CTTNBP2: variants seen among roughly 807,000 people sequenced by gnomAD.
CTTNBP2 encodes cortactin-binding protein 2.
CTTNBP2 carries 108 observed loss-of-function variants against 156.9 expected under a neutral mutation model. The ratio of observed to expected loss-of-function variants is 0.69; its 90% CI spans 0.59 to 0.81. CTTNBP2 has a LOEUF of 0.81. Among genes scored for constraint, CTTNBP2 ranks in the 30% least tolerant of loss-of-function variants. The pLI is 0.00. For missense variants in CTTNBP2, 1,924 were observed against 2,035.4 expected, an observed-to-expected ratio of 0.95 and a Z score of 1.05; for synonymous variants, 767 against 751.8, an observed-to-expected ratio of 1.02 and a Z score of -0.33.
intron 2 of CTTNBP2, among the ~76,000 whole-genome samples, chr7:117,856,129 A>G (rs1803299980): frequency 6.6e-6 from 1 of 152,214 alleles, no homozygotes; most frequent in South Asian, 2.1e-4. Context: ...ACAGCCAGCC[A>G]TGGCCATTTT....
At chr7:117,836,400 T>TA (rs1365969911) in intron 2 of CTTNBP2, among the ~76,000 whole-genome samples, 2 of 151,992 alleles carry the variant, frequency 1.3e-5, no homozygotes, top group Non-Finnish European at 2.9e-5. Context: ...CTATCTCTAC[T>TA]AAAAATACAA....
chr7:117,756,314 T>C lies in CTTNBP2; in HGVS notation c.3348+241A>G, dbSNP rs554666548. On this transcript the variant is annotated intron_variant, in intron 12 of 22. Transcript: ENST00000160373. Reference sequence around the variant, plus strand: ...AGACATCCTGCTCCTGCCCAAATTATGGCATTTCACAGGTCACAGGTGGTC... The same window carrying C: ...AGACATCCTGCTCCTGCCCAAATTACGGCATTTCACAGGTCACAGGTGGTC... Among the ~76,000 whole-genome samples, 80 of 152,294 alleles carry C rather than the reference T, an allele frequency of 5.3e-4. 1 individual carries two copies. The South Asian group carries it at 0.015, about 29-fold the overall frequency.
At position 117,734,900 on chromosome 7, in the gene CTTNBP2, T is replaced by C. The variant is rs2116486763; in HGVS notation, c.3876+13A>G. 6.4e-7 allele frequency: 1 copy of C among 1,570,266 alleles called. No individual in the cohort carries two copies. The highest frequency in any genetic ancestry group is 2.3e-5 in the East Asian group (1 of 43,838). On this transcript the variant is annotated intron_variant, in intron 16 of 22. Transcript: ENST00000160373. ...TGCTCTCCTGGCAACAGGCTGCACT[T>C]GCTGTTTGTTACCTTATTCACAACT...
Position 117,711,730 on chromosome 7 carries a change from G to C in CTTNBP2, c.4799C>G (p.Ser1600Ter), listed in dbSNP as rs1794067171. The C allele has an allele frequency of 4.3e-6, 7 of 1,613,916 alleles. No homozygotes were observed. Among genetic ancestry groups the C allele is most frequent in the Non-Finnish European group, 5.9e-6 (7 of 1,179,886 alleles). ...TCTTGAAACACCCAACTCAGTCTTT[G>C]ATTTACTGTTGCTGCATTCAGTAGT... ...HQTTECSNSK[S>*]KTELGVSRVK... Residue 1600 changes from serine (S) to a stop codon, truncating the protein, a stop_gained, in exon 23 of 23, where the codon TCA (serine) becomes TGA (stop). Transcript: ENST00000160373. LOFTEE classifies it high-confidence loss of function.
intron 1 of CTTNBP2, among the ~76,000 whole-genome samples, chr7:117,865,762 A>C (rs1804150678): frequency 6.6e-6 from 1 of 150,500 alleles, no homozygotes; most frequent in Admixed American, 6.6e-5. Flanking sequence ...TGCCAGGAAA[A>C]GCATTCCAGA....
rs1350298050 is a variant in CTTNBP2, at chr7:117,784,379, TGAA to T, written c.2141_2143del (p.Leu714del). On this transcript the variant is annotated inframe_deletion, in exon 5 of 23. Coordinates refer to ENST00000160373, the MANE Select transcript of CTTNBP2 (RefSeq NM_033427.3). ...GACATTTCCCTGGGCAGCAGCTTGC[TGAA>T]GAAGGGTGGGCCTGCCAGCCAGGGG... The T allele has an allele frequency of 3.7e-6, 6 of 1,613,566 alleles. No homozygotes were observed. The highest frequency in any genetic ancestry group is 5.1e-6 in the Non-Finnish European group (6 of 1,179,916).
In CTTNBP2 at chr7:117,856,808, T is replaced by C. The variant is rs34182728; in HGVS notation, c.189+4401A>G. Among the ~76,000 whole-genome samples, 152 of 152,318 alleles carry C rather than the reference T, an allele frequency of 1.0e-3. 4 individuals carry two copies. Among genetic ancestry groups the C allele is most frequent in the African/African-American group, 3.4e-3 (142 of 41,570 alleles). Reference sequence around the variant, plus strand: ...TGATGGCAGGCTGGGCACTGTAAAATGTAGGCTTAAGCACATAATTTTGAC... The same window carrying C: ...TGATGGCAGGCTGGGCACTGTAAAACGTAGGCTTAAGCACATAATTTTGAC... On this transcript the variant is annotated intron_variant, in intron 2 of 22. Coordinates refer to ENST00000160373, the MANE Select transcript of CTTNBP2 (RefSeq NM_033427.3).
intron 2 of CTTNBP2, among the ~76,000 whole-genome samples, chr7:117,815,790 C>G (rs1238305077): frequency 2.0e-5 from 3 of 152,170 alleles, no homozygotes; most frequent in Admixed American, 6.5e-5. Flanking sequence ...CAAAATACAA[C>G]TGGCAGGCCT....
chr7:117,799,756 C>G (rs1799514707), intron 3 of CTTNBP2, among the ~76,000 whole-genome samples: 1 of 151,832 alleles, frequency 6.6e-6, no homozygotes, highest in Non-Finnish European at 1.5e-5. Flanking sequence ...ATATTTTTAA[C>G]CTAGAAAATC....
At position 117,711,778 on chromosome 7, in the gene CTTNBP2, ACCT is replaced by A; in HGVS notation, c.4748_4750del (p.Glu1583del). 1.2e-6 allele frequency: 2 copies of A among 1,609,866 alleles called. No homozygotes were observed. Among genetic ancestry groups the A allele is most frequent in the Non-Finnish European group, 1.7e-6 (2 of 1,177,270 alleles). The stretch of plus-strand genomic sequence containing the variant: ...AGTTTGATGGCTGCTGAGAGGACTG[ACCT>A]CCTGTAAGAGACAAGAAACCACACA... On this transcript the variant is annotated inframe_deletion and splice_region_variant, in exon 23 of 23. Transcript: ENST00000160373.
chr7:117,786,849 T>C (rs1306248333), intron 4 of CTTNBP2, among the ~76,000 whole-genome samples: 1 of 152,196 alleles, frequency 6.6e-6, no homozygotes, highest in Non-Finnish European at 1.5e-5. Context: ...CTATTTTTAA[T>C]AAGTTATCCG....
At chr7:117,786,406 C>T (rs1158042072) in intron 4 of CTTNBP2, 7 of 435,488 alleles carry the variant, frequency 1.6e-5, no homozygotes, top group Non-Finnish European at 3.3e-5. Context: ...CTCTCTGGTA[C>T]ATTTTACCTT....
intron 1 of CTTNBP2, among the ~76,000 whole-genome samples, chr7:117,873,128 T>G (rs1584601516): frequency 6.6e-6 from 1 of 151,992 alleles, no homozygotes; most frequent in East Asian, 1.9e-4. Flanking sequence ...ACAGGAGGGA[T>G]CCCCAGCCAG....
chr7:117,746,635 G>T (rs34312798), intron 12 of CTTNBP2, among the ~76,000 whole-genome samples: 7,305 of 152,148 alleles, frequency 0.048, 556 homozygotes, highest in African/African-American at 0.17. Context: ...GTGTGTGTAT[G>T]TTTAAAAGAT....
chr7:117,794,766 A>G (rs1446242283), intron 3 of CTTNBP2, among the ~76,000 whole-genome samples: 1 of 152,080 alleles, frequency 6.6e-6, no homozygotes, highest in African/African-American at 2.4e-5. Flanking sequence ...CCTCAAGCTT[A>G]ATTACATATA....
chr7:117,749,594 A>G (rs1180804567), intron 12 of CTTNBP2, among the ~76,000 whole-genome samples: 1 of 152,156 alleles, frequency 6.6e-6, no homozygotes, highest in Non-Finnish European at 1.5e-5. Context: ...CAGTCTTCAG[A>G]TGGATGTGGA....
intron 22 of CTTNBP2, among the ~76,000 whole-genome samples, chr7:117,712,113 T>A (rs1433190402): frequency 1.3e-5 from 2 of 152,206 alleles, no homozygotes; most frequent in African/African-American, 4.8e-5. Flanking sequence ...CATTTGTAGG[T>A]AGCTCTACAA....
intron 3 of CTTNBP2, among the ~76,000 whole-genome samples, chr7:117,800,769 T>C (rs1159439191): frequency 6.6e-6 from 1 of 152,098 alleles, no homozygotes; most frequent in East Asian, 1.9e-4. Flanking sequence ...GCTTGATACA[T>C]AGAGAGACAG....
chr7:117,821,584 T>C (rs1329560437), intron 2 of CTTNBP2, among the ~76,000 whole-genome samples: 2 of 151,244 alleles, frequency 1.3e-5, no homozygotes, highest in East Asian at 3.9e-4. Flanking sequence ...ATATTCTGTT[T>C]AGGATTTTTT....
Sources: gnomAD v4.1 joint callset for allele counts (sites outside exome capture counted in the v4.1 genomes callset) on GRCh38, gnomAD v4.1.1 for gene constraint, MANE v1.5 for transcripts, NCBI Gene and HGNC (gene_info 2026-07-23, HGNC 2026-07-21) for gene names.